CEP290: variants seen among roughly 807,000 people sequenced by gnomAD.
CEP290 encodes the protein centrosomal protein of 290 kDa.
CEP290 carries 317 observed loss-of-function variants against 344.9 expected under a neutral mutation model. That is an observed-to-expected ratio of 0.92 (90% CI 0.84 to 1.01). CEP290 has a LOEUF of 1.01. Ranked by LOEUF, CEP290 falls within the 50% of genes least tolerant of loss-of-function variation. The probability of loss-of-function intolerance (pLI) is 0.00; values close to 1 mark genes in which losing one functional copy is unlikely to be tolerated. For missense variants in CEP290, 2,754 were observed against 2,761.4 expected, an observed-to-expected ratio of 1.00 and a Z score of 0.06; for synonymous variants, 932 against 895.8, an observed-to-expected ratio of 1.04 and a Z score of -0.72.
Position 88,064,024 on chromosome 12 carries a change from T to C in CEP290, c.6227A>G (p.Lys2076Arg). ...TTTATTTGCTTGTTCAAGCTGAAAT[T>C]TCAGTTCAATATTTTCAGATGACAA... ...LKLSSENIEL[K>R]FQLEQANKDL... The change falls in exon 45 of 54, where the codon AAA (lysine) becomes AGA (arginine). Residue 2076 changes from lysine (K) to arginine (R), a missense_variant. By Grantham distance (26) the Lys-to-Arg change is conservative. Coordinates refer to ENST00000552810, the MANE Select transcript of CEP290 (RefSeq NM_025114.4). 1 of 1,598,952 alleles carries C rather than the reference T, an allele frequency of 6.3e-7. No individual in the cohort carries two copies. Among genetic ancestry groups the C allele is most frequent in the Non-Finnish European group, 8.5e-7 (1 of 1,172,126 alleles).
chr12:88,106,271 C>T (rs1281062432), intron 25 of CEP290, among the ~76,000 whole-genome samples: 1 of 152,046 alleles, frequency 6.6e-6, no homozygotes, highest in East Asian at 1.9e-4. Flanking sequence ...TTAGATACAT[C>T]TTCAAACATT....
intron 27 of CEP290, among the ~76,000 whole-genome samples, chr12:88,096,476 A>C (rs1476465715): frequency 1.3e-5 from 2 of 152,174 alleles, no homozygotes; most frequent in Non-Finnish European, 2.9e-5. Flanking sequence ...ACTATGAGAA[A>C]TACAACTTCT....
At chr12:88,122,966 C>G (rs1462638965) in intron 13 of CEP290, among the ~76,000 whole-genome samples, 4 of 152,018 alleles carry the variant, frequency 2.6e-5, no homozygotes, top group African/African-American at 9.7e-5. Flanking sequence ...CTCCCTTGTT[C>G]ACTGAGAAAA....
intron 29 of CEP290, among the ~76,000 whole-genome samples, chr12:88,092,332 T>C (rs1208047143): frequency 1.3e-5 from 2 of 152,154 alleles, no homozygotes; most frequent in South Asian, 2.1e-4. Context: ...ATTACTCCCT[T>C]ATTAAAATGA....
intron 5 of CEP290, among the ~76,000 whole-genome samples, chr12:88,137,793 T>A (rs2040425784): frequency 6.6e-6 from 1 of 152,202 alleles, no homozygotes; most frequent in Non-Finnish European, 1.5e-5. Context: ...GAAGAAGGTG[T>A]TGGTGCTTCT....
In CEP290 at chr12:88,058,937, C is replaced by A. The variant is rs2034237906; in HGVS notation, c.6729G>T (p.Glu2243Asp). The change falls in exon 49 of 54, where the codon GAG becomes GAT. Residue 2243 changes from glutamate (E) to aspartate (D), a missense_variant. Glu to Asp is a conservative substitution (Grantham distance 45). Transcript: ENST00000552810. Reference protein sequence around the residue: ...LNEKMTVQLEETGKRLQFAES... With the variant: ...LNEKMTVQLEDTGKRLQFAES... ...CTGCAAACTGCAATCTCTTACCAGT[C>A]TCTTCTAGTTGAACTGTCATCTTCT... is the stretch of plus-strand genomic sequence containing the variant. 6.2e-7 allele frequency: 1 copy of A among 1,613,724 alleles called. No homozygotes were observed. The highest frequency in any genetic ancestry group is 1.7e-5 in the Admixed American group (1 of 59,996).
intron 3 of CEP290, 111 bp downstream of exon 3, chr12:88,140,845 T>C (rs1293640476): frequency 1.6e-6 from 1 of 643,712 alleles, no homozygotes; most frequent in Non-Finnish European, 2.6e-6. Flanking sequence ...CATTTTTTAG[T>C]GGTGATGTAG....
intron 25 of CEP290, among the ~76,000 whole-genome samples, chr12:88,105,104 T>C (rs2038181508): frequency 6.6e-6 from 1 of 152,188 alleles, no homozygotes; most frequent in Non-Finnish European, 1.5e-5. Flanking sequence ...AAAAGGAACC[T>C]GGGCTCTTTA....
chr12:88,106,716 C>G lies in CEP290; in HGVS notation c.2776G>C (p.Ala926Pro). The stretch of plus-strand genomic sequence containing the variant: ...CACCCAATTTTTTCACAAACTTCAG[C>G]CTCCATTGACAACAATTCATTCTTT... ...KQKNELLSME[A>P]EVCEKIGCLQ... Residue 926 changes from alanine to proline, a missense_variant, in exon 25 of 54, where the codon GCT becomes CCT. Transcript: ENST00000552810. 4 of 1,611,310 alleles carry G rather than the reference C, an allele frequency of 2.5e-6. No individual in the cohort carries two copies. Among genetic ancestry groups the G allele is most frequent in the Non-Finnish European group, 3.4e-6 (4 of 1,178,910 alleles).
chr12:88,068,500 A>T, intron 44 of CEP290, 22 bp downstream of exon 44: 2 of 1,387,252 alleles, frequency 1.4e-6, no homozygotes, highest in Non-Finnish European at 9.5e-7. Flanking sequence ...AAAGAAAAAA[A>T]TAATAAAAGA....
At chr12:88,122,623 A>G (rs984461402) in intron 13 of CEP290, among the ~76,000 whole-genome samples, 1 of 152,180 alleles carries the variant, frequency 6.6e-6, no homozygotes, top group African/African-American at 2.4e-5. Flanking sequence ...CTACGGACTG[A>G]CTAAAGTGTT....
At chr12:88,139,631 TTC>T (rs1223471585) in intron 3 of CEP290, 67 bp from the exon 4 acceptor site, 8 of 1,204,710 alleles carry the variant, frequency 6.6e-6, no homozygotes, top group Admixed American at 2.9e-5. Flanking sequence ...AAAATAAAAA[TTC>T]TGTTTTATTT....
intron 53 of CEP290, chr12:88,050,130 A>G (rs986538327): frequency 5.5e-6 from 2 of 366,696 alleles, no homozygotes; most frequent in African/African-American, 4.3e-5. Context: ...TATTTGTTAC[A>G]ATTAAAAAAT....
At position 88,120,152 on chromosome 12, in the gene CEP290, T is replaced by C. The variant is rs1228969929; in HGVS notation, c.1484A>G (p.Asp495Gly). The change falls in exon 15 of 54, where the codon GAT becomes GGT. Residue 495 changes from aspartate to glycine, a missense_variant. Asp to Gly is a moderately conservative substitution (Grantham distance 94). Transcript: ENST00000552810. ...AAGTGCCTCATTTTCATCAAGGAAA[T>C]CACTGATCTTCAATTCAAGTTTATT... is the stretch of plus-strand genomic sequence containing the variant. ...EINKLELKIS[D>G]FLDENEALRE... 3.2e-6 allele frequency: 5 copies of C among 1,543,080 alleles called. No homozygotes were observed. The highest frequency in any genetic ancestry group is 4.4e-6 in the Non-Finnish European group (5 of 1,142,666).
chr12:88,096,376 A>C (rs2037434578), intron 27 of CEP290, among the ~76,000 whole-genome samples: 1 of 152,158 alleles, frequency 6.6e-6, no homozygotes, highest in Non-Finnish European at 1.5e-5. Context: ...TACTATCTAA[A>C]TACAGTATAA....
intron 44 of CEP290, 69 bp downstream of exon 44, chr12:88,068,446 TAAGAAAG>T: frequency 9.6e-7 from 1 of 1,044,866 alleles, no homozygotes; most frequent in South Asian, 2.3e-5. Flanking sequence ...TTGGCCAGAT[TAAGAAAG>T]AAGTTGATTT....
intron 13 of CEP290, among the ~76,000 whole-genome samples, chr12:88,122,475 C>T (rs2039464861): frequency 6.6e-6 from 1 of 152,142 alleles, no homozygotes; most frequent in Non-Finnish European, 1.5e-5. Context: ...TTCTTCAGCT[C>T]TCTGTTCCTG....
At chr12:88,120,918 T>C in intron 14 of CEP290, 79 bp downstream of exon 14, 1 of 1,130,298 alleles carries the variant, frequency 8.8e-7, no homozygotes. Context: ...TTAAATGGTA[T>C]GCAGTAAATA....
Position 88,106,910 on chromosome 12 carries a change from A to C in CEP290, c.2587-5T>G. 1.3e-6 allele frequency: 2 copies of C among 1,594,946 alleles called. No homozygotes were observed. The highest frequency in any genetic ancestry group is 1.7e-6 in the Non-Finnish European group (2 of 1,168,146). On this transcript the variant is annotated splice_polypyrimidine_tract_variant and splice_region_variant and intron_variant, in intron 24 of 53. Transcript: ENST00000552810. ...CTGAAGAGCATTGAGCAAATTCTGCACAAAGACACATCCATATTACTTGTT... is the reference window on the plus strand; with the variant it reads ...CTGAAGAGCATTGAGCAAATTCTGCCCAAAGACACATCCATATTACTTGTT...
Sources: allele counts gnomAD v4.1 joint callset (sites outside exome capture counted in the v4.1 genomes callset), GRCh38; gene constraint gnomAD v4.1.1; transcripts MANE v1.5; gene names NCBI Gene and HGNC (gene_info 2026-07-23, HGNC 2026-07-21).